ENOX1: variants seen among roughly 807,000 people sequenced by gnomAD.
The protein encoded by ENOX1 is ecto-NOX disulfide-thiol exchanger 1.
A neutral mutation model predicts 82.5 loss-of-function variants in ENOX1; 42 were observed. The observed-to-expected ratio is 0.51, with a 90% CI of 0.40 to 0.66. The LOEUF (loss-of-function observed/expected upper bound fraction) is 0.66, where lower values mean the gene tolerates loss of function less well. ENOX1 is among the 30% of genes least tolerant of loss of function. The pLI is 0.00. For missense variants in ENOX1, 608 were observed against 811.6 expected (o/e 0.75, Z 3.05); for synonymous variants, 271 against 282.2 (o/e 0.96, Z 0.40).
At chr13:43,479,771 A>G (rs1475636554) in intron 3 of ENOX1, among the ~76,000 whole-genome samples, 1 of 152,166 alleles carries the variant, frequency 6.6e-6, no homozygotes. Context: ...GGGCACTGTC[A>G]GCTCTAAGTG....
At chr13:43,424,665 T>A (rs1385561450) in intron 3 of ENOX1, among the ~76,000 whole-genome samples, 1 of 152,232 alleles carries the variant, frequency 6.6e-6, no homozygotes, top group Non-Finnish European at 1.5e-5. Flanking sequence ...CACACCCACC[T>A]TGCATGGATT....
chr13:43,752,860 CT>C (rs552470782), intron 1 of ENOX1, among the ~76,000 whole-genome samples: 66 of 145,960 alleles, frequency 4.5e-4, no homozygotes, highest in South Asian at 4.3e-4. Flanking sequence ...CATTGCATTT[CT>C]TTTTTTTTTT....
chr13:43,519,869 A>G (rs2077696220), intron 2 of ENOX1, among the ~76,000 whole-genome samples: 1 of 152,098 alleles, frequency 6.6e-6, no homozygotes, highest in Non-Finnish European at 1.5e-5. Flanking sequence ...TCTGCTCTCT[A>G]TGCCCTTGAT....
chr13:43,640,934 AC>A (rs1180447287), intron 2 of ENOX1, among the ~76,000 whole-genome samples: 5 of 151,824 alleles, frequency 3.3e-5, no homozygotes, highest in Admixed American at 2.0e-4. Flanking sequence ...ACACACACAC[AC>A]ACGTAACCTA....
At chr13:43,322,566 G>C (rs922020742) in intron 10 of ENOX1, 65 bp from the exon 11 acceptor site, 2 of 1,276,472 alleles carry the variant, frequency 1.6e-6, no homozygotes, top group Non-Finnish European at 2.2e-6. Context: ...AATGGTCTTT[G>C]GGTATATATG....
chr13:43,462,927 C>T (rs1417828316), intron 3 of ENOX1, among the ~76,000 whole-genome samples: 2 of 152,250 alleles, frequency 1.3e-5, no homozygotes, highest in East Asian at 1.9e-4. Flanking sequence ...GCAAAATTGT[C>T]CAAAATGTAA....
At chr13:43,629,232 T>C (rs111299894) in intron 2 of ENOX1, among the ~76,000 whole-genome samples, 2,772 of 152,290 alleles carry the variant, frequency 0.018, 43 homozygotes, top group Middle Eastern at 0.085. Flanking sequence ...GGGGCCACAA[T>C]TATTTCTGTT....
chr13:43,377,606 G>A (rs1368223749), intron 5 of ENOX1, among the ~76,000 whole-genome samples: 2 of 152,168 alleles, frequency 1.3e-5, no homozygotes, highest in African/African-American at 4.8e-5. Flanking sequence ...TGTGGAAGAA[G>A]GTATGGGAAA....
At chr13:43,326,318 G>T in intron 10 of ENOX1, 101 bp downstream of exon 10, 1 of 920,178 alleles carries the variant, frequency 1.1e-6, no homozygotes, top group Non-Finnish European at 1.7e-6. Flanking sequence ...ATGGCAGGCG[G>T]ACTGCCCACT....
intron 14 of ENOX1, among the ~76,000 whole-genome samples, chr13:43,253,573 C>G (rs1437458826): frequency 6.6e-6 from 1 of 152,192 alleles, no homozygotes; most frequent in Non-Finnish European, 1.5e-5. Context: ...CCTTCCTGGT[C>G]TCACGTGTGG....
intron 2 of ENOX1, among the ~76,000 whole-genome samples, chr13:43,602,070 A>C (rs1243811810): frequency 2.0e-5 from 3 of 152,172 alleles, no homozygotes; most frequent in African/African-American, 7.2e-5. Flanking sequence ...AAGGAAATTT[A>C]AAAATTTATT....
chr13:43,470,233 T>C lies in ENOX1; in HGVS notation c.-75+13776A>G, dbSNP rs1392238717. Among the ~76,000 whole-genome samples the C allele has an allele frequency of 3.3e-5, 3 of 91,860 alleles. No individual in the cohort carries two copies. In the East Asian group the frequency reaches 9.0e-4, roughly 28 times the overall value. 60.3% of individuals were successfully genotyped at this position (91,860 alleles called of 152,430 possible). On this transcript the variant is annotated intron_variant, in intron 3 of 16. Coordinates refer to ENST00000690772, the MANE Select transcript of ENOX1 (RefSeq NM_001347969.2). Reference sequence around the variant, plus strand: ...ATATATATATGTGTGTGTATGTGTGTGTGTGTATATATATACATATATATA... The same window carrying C: ...ATATATATATGTGTGTGTATGTGTGCGTGTGTATATATATACATATATATA...
intron 2 of ENOX1, among the ~76,000 whole-genome samples, chr13:43,603,437 G>T (rs937380321): frequency 6.6e-6 from 1 of 151,072 alleles, no homozygotes; most frequent in Non-Finnish European, 1.5e-5. Context: ...TACACAATGT[G>T]CAGGTTAGTT....
intron 1 of ENOX1, among the ~76,000 whole-genome samples, chr13:43,709,914 C>A (rs181935279): frequency 1.7e-3 from 260 of 152,190 alleles, no homozygotes; most frequent in Non-Finnish European, 3.0e-3. Context: ...AGGCCCAGAT[C>A]ATTTTGCCAG....
chr13:43,764,666 TAC>T (rs1951169966), intron 1 of ENOX1, among the ~76,000 whole-genome samples: 1 of 152,092 alleles, frequency 6.6e-6, no homozygotes, highest in South Asian at 2.1e-4. Flanking sequence ...TTACACCACA[TAC>T]AGTGTACAAA....
chr13:43,471,317 TG>T (rs1281226444), intron 3 of ENOX1, among the ~76,000 whole-genome samples: 1 of 152,116 alleles, frequency 6.6e-6, no homozygotes, highest in Non-Finnish European at 1.5e-5. Flanking sequence ...AGGAACTTTC[TG>T]GGGTAATATA....
intron 2 of ENOX1, among the ~76,000 whole-genome samples, chr13:43,485,601 A>G (rs548245729): frequency 6.6e-6 from 1 of 152,366 alleles, no homozygotes; most frequent in Non-Finnish European, 1.5e-5. Flanking sequence ...AAAAGGAAAA[A>G]GAACAGAGGA....
intron 1 of ENOX1, among the ~76,000 whole-genome samples, chr13:43,733,179 A>G (rs2089439053): frequency 6.6e-6 from 1 of 152,208 alleles, no homozygotes; most frequent in Non-Finnish European, 1.5e-5. Flanking sequence ...ATACAAAAAT[A>G]TAAGGATTTC....
intron 3 of ENOX1, among the ~76,000 whole-genome samples, chr13:43,452,400 C>T (rs1173491654): frequency 6.6e-6 from 1 of 152,178 alleles, no homozygotes; most frequent in African/African-American, 2.4e-5. Context: ...TGTTAGTTCA[C>T]TGAGAATGAT....
Sources: gnomAD v4.1 joint callset for allele counts (sites outside exome capture counted in the v4.1 genomes callset) on GRCh38, gnomAD v4.1.1 for gene constraint, MANE v1.5 for transcripts, NCBI Gene and HGNC (gene_info 2026-07-23, HGNC 2026-07-21) for gene names.